Variants in CSMD1 observed in about 807,000 individuals in gnomAD.
CSMD1 encodes CUB and sushi domain-containing protein 1.
CSMD1 carries 213 observed loss-of-function variants against 417.5 expected under a neutral mutation model. The observed-to-expected ratio is 0.51, with a 90% CI of 0.46 to 0.57. The LOEUF (loss-of-function observed/expected upper bound fraction) is 0.57, where lower values mean the gene tolerates loss of function less well. Among genes scored for constraint, CSMD1 ranks in the 20% least tolerant of loss-of-function variants. The pLI, the probability that CSMD1 is intolerant of heterozygous loss-of-function variation, is 0.00. For missense variants in CSMD1, 6,923 were observed against 4,529.7 expected (o/e 1.53, Z -15.17); for synonymous variants, 2,862 against 1,736.8 (o/e 1.65, Z -16.11).
Position 2,961,214 on chromosome 8 carries a change from T to C in CSMD1, c.9629A>G (p.Asp3210Gly), listed in dbSNP as rs1461498914. The change falls in exon 62 of 70, where the codon GAT (aspartate) becomes GGT (glycine). Residue 3210 changes from aspartate (D) to glycine (G), a missense_variant and splice_region_variant. Transcript: ENST00000635120. Reference protein sequence around the residue: ...TWSGIQPTCIDPAHNTCPDPG... With the variant: ...TWSGIQPTCIGPAHNTCPDPG... The stretch of plus-strand genomic sequence containing the variant: ...GTCTGGGCAGGTGTTATGAGCAGGA[T>C]CTGAAATTTGTGATTTAAAAAGAAA... 9 of 1,586,256 alleles carry C rather than the reference T, an allele frequency of 5.7e-6. No individual in the cohort carries two copies. The highest frequency in any genetic ancestry group is 1.7e-4 in the Middle Eastern group (1 of 5,980).
At chr8:3,165,759 T>A (rs1318990863) in intron 37 of CSMD1, among the ~76,000 whole-genome samples, 1 of 152,066 alleles carries the variant, frequency 6.6e-6, no homozygotes, top group Non-Finnish European at 1.5e-5. Context: ...AGAAGACAGC[T>A]AGGCTTGACA....
intron 10 of CSMD1, among the ~76,000 whole-genome samples, chr8:3,526,318 T>TA (rs112885801): frequency 8.3e-4 from 87 of 104,968 alleles, no homozygotes; most frequent in African/African-American, 2.9e-3. Context: ...TTAAAATATA[T>TA]TTTTTTTTTG....
chr8:4,299,251 T>G (rs2128872146), intron 3 of CSMD1, among the ~76,000 whole-genome samples: 1 of 152,282 alleles, frequency 6.6e-6, no homozygotes, highest in South Asian at 2.1e-4. Context: ...CTGTAAATAT[T>G]TAAATTTAAA....
chr8:4,939,704 G>A (rs992038707), intron 1 of CSMD1, among the ~76,000 whole-genome samples: 3 of 152,142 alleles, frequency 2.0e-5, no homozygotes, highest in African/African-American at 7.2e-5. Context: ...AGAGGACAAG[G>A]AATAATTTCA....
At chr8:4,424,271 A>G (rs1448277879) in intron 2 of CSMD1, among the ~76,000 whole-genome samples, 2 of 152,052 alleles carry the variant, frequency 1.3e-5, no homozygotes, top group African/African-American at 4.8e-5. Context: ...GACTGGGAAA[A>G]CACATTCGCA....
intron 2 of CSMD1, among the ~76,000 whole-genome samples, chr8:4,588,381 A>T (rs1799810831): frequency 1.6e-5 from 1 of 61,788 alleles, no homozygotes; most frequent in Non-Finnish European, 3.7e-5. Flanking sequence ...AGACAGAGAT[A>T]AAGAACTATC....
chr8:3,019,340 C>T (rs1809152170), intron 51 of CSMD1, among the ~76,000 whole-genome samples: 1 of 152,160 alleles, frequency 6.6e-6, no homozygotes, highest in Non-Finnish European at 1.5e-5. Flanking sequence ...ATCTCTCTAC[C>T]TTTCTTTCCA....
At chr8:4,982,625 A>C (rs1810958455) in intron 1 of CSMD1, among the ~76,000 whole-genome samples, 1 of 152,234 alleles carries the variant, frequency 6.6e-6, no homozygotes, top group Non-Finnish European at 1.5e-5. Context: ...AGAAGAAATG[A>C]TAGTCACTTC....
chr8:4,993,199 A>T (rs1017306096), intron 1 of CSMD1, among the ~76,000 whole-genome samples: 1 of 152,166 alleles, frequency 6.6e-6, no homozygotes, highest in African/African-American at 2.4e-5. Flanking sequence ...GCAAGTGACC[A>T]TTGAAAAAAA....
intron 1 of CSMD1, among the ~76,000 whole-genome samples, chr8:4,785,148 C>G (rs920598985): frequency 6.6e-6 from 1 of 152,308 alleles, no homozygotes; most frequent in East Asian, 1.9e-4. Flanking sequence ...GAAAAGATAG[C>G]ATGTTTCCAT....
At chr8:4,069,324 C>T (rs917620988) in intron 3 of CSMD1, among the ~76,000 whole-genome samples, 1 of 152,122 alleles carries the variant, frequency 6.6e-6, no homozygotes, top group African/African-American at 2.4e-5. Context: ...TGAAAGTCAA[C>T]AAAATTCCAA....
chr8:4,044,385 T>G (rs1158709127), intron 3 of CSMD1, among the ~76,000 whole-genome samples: 1 of 152,156 alleles, frequency 6.6e-6, no homozygotes, highest in African/African-American at 2.4e-5. Context: ...CTTAATAAGC[T>G]AAAGGCAATC....
intron 2 of CSMD1, among the ~76,000 whole-genome samples, chr8:4,511,735 G>A (rs1802832643): frequency 6.6e-6 from 1 of 152,102 alleles, no homozygotes; most frequent in African/African-American, 2.4e-5. Flanking sequence ...TTCCCCAAGA[G>A]AACTCAGTCA....
chr8:3,732,531 G>T (rs999387878), intron 6 of CSMD1, among the ~76,000 whole-genome samples: 1 of 151,788 alleles, frequency 6.6e-6, no homozygotes, highest in Admixed American at 6.6e-5. Context: ...CTGAGACTCT[G>T]TATAATTTCT....
chr8:3,086,994 C>T, intron 49 of CSMD1, 103 bp downstream of exon 49: 2 of 1,079,664 alleles, frequency 1.9e-6, no homozygotes, highest in Non-Finnish European at 2.7e-6. Context: ...TCAATTTTTC[C>T]TTACCTTTTA....
chr8:4,762,635 G>A (rs1252961183), intron 1 of CSMD1, among the ~76,000 whole-genome samples: 6 of 152,048 alleles, frequency 3.9e-5, no homozygotes, highest in Non-Finnish European at 8.8e-5. Flanking sequence ...TGCATAGGAC[G>A]CAGCGTCTCC....
At chr8:2,963,697 T>G (rs1433068709) in intron 59 of CSMD1, among the ~76,000 whole-genome samples, 1 of 152,194 alleles carries the variant, frequency 6.6e-6, no homozygotes, top group Non-Finnish European at 1.5e-5. Flanking sequence ...TCTTGCTTAA[T>G]TTGTGTCTTT....
intron 1 of CSMD1, among the ~76,000 whole-genome samples, chr8:4,876,653 T>C (rs1012854421): frequency 5.3e-5 from 8 of 152,060 alleles, no homozygotes; most frequent in African/African-American, 1.5e-4. Flanking sequence ...CACAATGCAA[T>C]GTGTTGTGTT....
At chr8:3,941,606 G>C in intron 5 of CSMD1, among the ~76,000 whole-genome samples, 1 of 152,076 alleles carries the variant, frequency 6.6e-6, no homozygotes, top group East Asian at 1.9e-4. Flanking sequence ...TAAGCATATG[G>C]TAATTCATGA....
Sources: allele counts gnomAD v4.1 joint callset (sites outside exome capture counted in the v4.1 genomes callset), GRCh38; gene constraint gnomAD v4.1.1; transcripts MANE v1.5; gene names NCBI Gene and HGNC (gene_info 2026-07-23, HGNC 2026-07-21).